ARB2A: variants seen among roughly 807,000 people sequenced by gnomAD.
The protein encoded by ARB2A is ARB2 cotranscriptional regulator A.
the ARB2A span, among the ~76,000 whole-genome samples, chr5:94,003,952 C>A: frequency 6.6e-6 from 1 of 152,106 alleles, no homozygotes; most frequent in Non-Finnish European, 1.5e-5. Context: ...CTTGTAACTA[C>A]AGCAATCAAA....
chr5:93,856,594 T>C, the ARB2A span, among the ~76,000 whole-genome samples: 2 of 152,240 alleles, frequency 1.3e-5, no homozygotes, highest in Non-Finnish European at 2.9e-5. Flanking sequence ...GGTTTCTGCA[T>C]TCTTCATGTA....
the ARB2A span, chr5:93,620,714 C>T: frequency 5.5e-5 from 18 of 328,230 alleles, no homozygotes; most frequent in Non-Finnish European, 9.2e-5. Context: ...CCGGCCGAGC[C>T]AGGCAGGGCG....
chr5:93,976,574 T>C, the ARB2A span, among the ~76,000 whole-genome samples: 1 of 152,196 alleles, frequency 6.6e-6, no homozygotes, highest in Admixed American at 6.5e-5. Flanking sequence ...GAGTGAATTT[T>C]CATGAGATCT....
chr5:93,627,438 G>GTTTGTTTT, the ARB2A span, among the ~76,000 whole-genome samples: 9 of 108,086 alleles, frequency 8.3e-5, no homozygotes, highest in African/African-American at 3.6e-4. Context: ...TACAAAATGT[G>GTTTGTTTT]TTTTGTTTTT....
chr5:94,102,404 C>T, the ARB2A span, among the ~76,000 whole-genome samples: 1 of 151,958 alleles, frequency 6.6e-6, no homozygotes, highest in South Asian at 2.1e-4. Context: ...AAAGAATAGA[C>T]AAAACTGAGG....
the ARB2A span, among the ~76,000 whole-genome samples, chr5:93,971,474 G>A: frequency 2.0e-5 from 3 of 151,850 alleles, no homozygotes; most frequent in Non-Finnish European, 2.9e-5. Context: ...GGCTGAGGCA[G>A]GAGAATCACT....
At chr5:94,055,891 C>G in the ARB2A span, 1 of 985,442 alleles carries the variant, frequency 1.0e-6, no homozygotes, top group Admixed American at 6.1e-5. Context: ...TTTTCTGTAT[C>G]TGTTAGCCTA....
At chr5:93,944,257 T>C in the ARB2A span, among the ~76,000 whole-genome samples, 1 of 152,282 alleles carries the variant, frequency 6.6e-6, no homozygotes, top group Non-Finnish European at 1.5e-5. Context: ...ATTGAATTAT[T>C]TAATTATCTC....
the ARB2A span, among the ~76,000 whole-genome samples, chr5:93,991,266 C>T: frequency 6.6e-6 from 1 of 152,012 alleles, no homozygotes; most frequent in Non-Finnish European, 1.5e-5. Context: ...GCTAAACTAT[C>T]CCTAGAATGA....
the ARB2A span, among the ~76,000 whole-genome samples, chr5:93,689,517 G>A: frequency 1.3e-5 from 2 of 152,172 alleles, no homozygotes; most frequent in Admixed American, 6.5e-5. Context: ...AGATCTGACC[G>A]CATAACTGAG....
At chr5:93,712,057 GGATAGC>G in the ARB2A span, among the ~76,000 whole-genome samples, 1 of 152,216 alleles carries the variant, frequency 6.6e-6, no homozygotes, top group East Asian at 1.9e-4. Flanking sequence ...GGAAGTCCCA[GGATAGC>G]CTGGTAGAGA....
At chr5:93,723,977 T>C in the ARB2A span, among the ~76,000 whole-genome samples, 1 of 152,076 alleles carries the variant, frequency 6.6e-6, no homozygotes, top group African/African-American at 2.4e-5. Flanking sequence ...GCAAGAGTCA[T>C]AACTGAATTA....
the ARB2A span, among the ~76,000 whole-genome samples, chr5:93,820,556 A>G: frequency 6.6e-6 from 1 of 152,226 alleles, no homozygotes; most frequent in Non-Finnish European, 1.5e-5. Context: ...ATTTCTTTCC[A>G]GATGAATTTG....
the ARB2A span, among the ~76,000 whole-genome samples, chr5:93,785,609 G>A: frequency 2.0e-5 from 3 of 151,906 alleles, no homozygotes; most frequent in Non-Finnish European, 4.4e-5. Flanking sequence ...TTTTTTTTAA[G>A]CCCAGCATAT....
the ARB2A span, among the ~76,000 whole-genome samples, chr5:93,710,958 A>C: frequency 6.6e-6 from 1 of 152,204 alleles, no homozygotes; most frequent in African/African-American, 2.4e-5. Flanking sequence ...CTGCAGATAA[A>C]AGTCACACAC....
At chr5:94,099,108 C>A in the ARB2A span, among the ~76,000 whole-genome samples, 1 of 152,128 alleles carries the variant, frequency 6.6e-6, no homozygotes, top group East Asian at 1.9e-4. Context: ...GGAGGAAGGA[C>A]TTCTCCCCAA....
chr5:94,065,779 T>C, the ARB2A span, among the ~76,000 whole-genome samples: 4 of 152,128 alleles, frequency 2.6e-5, no homozygotes, highest in Non-Finnish European at 4.4e-5. Flanking sequence ...AAAATAATAG[T>C]TGGGGACTTT....
At chr5:93,678,786 T>C in the ARB2A span, among the ~76,000 whole-genome samples, 1 of 152,038 alleles carries the variant, frequency 6.6e-6, no homozygotes, top group African/African-American at 2.4e-5. Context: ...ACTGAGGTTT[T>C]TTCTAAACAA....
the ARB2A span, among the ~76,000 whole-genome samples, chr5:94,036,252 G>A: frequency 2.0e-5 from 3 of 151,968 alleles, no homozygotes; most frequent in Admixed American, 6.6e-5. Flanking sequence ...TTTGTATATG[G>A]TCCAAATATC....
Sources: gnomAD v4.1 joint callset for allele counts (sites outside exome capture counted in the v4.1 genomes callset) on GRCh38, gnomAD v4.1.1 for gene constraint, MANE v1.5 for transcripts, NCBI Gene and HGNC (gene_info 2026-07-23, HGNC 2026-07-21) for gene names.